Variants in MUC12 observed in about 807,000 individuals in gnomAD.
The protein encoded by MUC12 is mucin-12.
Under a neutral mutation model 230.8 loss-of-function variants are expected in MUC12, and 172 were observed. The ratio of observed to expected loss-of-function variants is 0.75; its 90% CI spans 0.66 to 0.85. MUC12 has a LOEUF of 0.85. Among genes scored for constraint, MUC12 ranks in the 40% least tolerant of loss-of-function variants. The pLI is 0.00. For synonymous variants in MUC12, 1,259 were observed against 2,401.9 expected, an observed-to-expected ratio of 0.52 and a Z score of 13.91; for missense variants, 3,506 against 5,920.6, an observed-to-expected ratio of 0.59 and a Z score of 13.38.
At position 100,991,605 on chromosome 7, in the gene MUC12, C is replaced by T. The variant is rs182230578; in HGVS notation, c.1042C>T (p.Arg348Cys). ...AACTGCAACAACACCCCCACCTGCC[C>T]GCTCCGCGACCTCAGGCCATGTTGA... ...VATATTPPPA[R>C]SATSGHVEES... The change falls in exon 2 of 12, where the codon CGC becomes TGC. Residue 348 changes from arginine (R) to cysteine (C), a missense_variant. By Grantham distance (180) the Arg-to-Cys change is radical (BLOSUM62 -3). Transcript: ENST00000536621. The T allele has an allele frequency of 3.6e-5, 56 of 1,536,740 alleles. No homozygotes were observed. Among genetic ancestry groups the T allele is most frequent in the African/African-American group, 6.8e-5 (5 of 73,038 alleles).
At position 100,991,015 on chromosome 7, in the gene MUC12, T is replaced by C. The variant is rs531833883; in HGVS notation, c.452T>C (p.Leu151Pro). The C allele has an allele frequency of 9.5e-5, 146 of 1,537,468 alleles. 2 individuals carry two copies. The South Asian group carries it at 1.6e-3, about 17-fold the overall frequency. Residue 151 changes from leucine to proline, a missense_variant, in exon 2 of 12, where the codon CTC (leucine) becomes CCC (proline). By Grantham distance (98) the Leu-to-Pro change is moderately conservative (BLOSUM62 -3). Coordinates refer to ENST00000536621, the MANE Select transcript of MUC12 (RefSeq NM_001164462.2). ...YSSPRSPDRT[L>P]SPARTTSSGV... is the part of the protein sequence containing the mutation. The stretch of plus-strand genomic sequence containing the variant: ...AGCCCCAGATCACCAGACAGAACAC[T>C]CTCACCTGCCCGCACGACAAGCTCA...
chr7:100,993,627 C>T lies in MUC12; in HGVS notation c.3064C>T (p.His1022Tyr). ...TAPVEESTTY[H>Y]RSPGSTPTTH... ...CCCTGTTGAAGAATCTACAACCTAC[C>T]ACCGCAGCCCAGGCTCGACTCCAAC... Residue 1022 changes from histidine (H) to tyrosine (Y), a missense_variant, in exon 2 of 12, where the codon CAC becomes TAC. Transcript: ENST00000536621. 9.7e-7 allele frequency: 1 copy of T among 1,030,854 alleles called. No homozygotes were observed. The highest frequency in any genetic ancestry group is 1.3e-6 in the Non-Finnish European group (1 of 752,690). 63.9% of individuals were successfully genotyped at this position (1,030,854 alleles called of 1,614,324 possible).
At chr7:100,975,332 G>A (rs371686989) in intron 1 of MUC12, among the ~76,000 whole-genome samples, 18 of 152,414 alleles carry the variant, frequency 1.2e-4, no homozygotes, top group East Asian at 5.8e-4. Context: ...AGGGGTCAGC[G>A]CTCTTTAGCT....
rs756340972 is a variant in MUC12 at position 100,995,695 on chromosome 7, A to G, written c.5132A>G (p.Glu1711Gly). 2.5e-5 allele frequency: 39 copies of G among 1,536,970 alleles called. No individual in the cohort carries two copies. The highest frequency in any genetic ancestry group is 3.2e-5 in the Non-Finnish European group (37 of 1,147,036). ...CCTACTACCACATCAGCCTTTGTTG[A>G]GCTATCTACAACCTCCCACGGCAGC... The part of the protein sequence containing the change: ...APPTTTSAFV[E>G]LSTTSHGSPS... The change falls in exon 2 of 12, where the codon GAG becomes GGG. Residue 1711 changes from glutamate (E) to glycine (G), a missense_variant. Transcript: ENST00000536621.
In MUC12 at chr7:101,004,538, C is replaced by A; in HGVS notation, c.13975C>A (p.His4659Asn). Residue 4659 changes from histidine (H) to asparagine (N), a missense_variant, in exon 2 of 12, where the codon CAC becomes AAC. Transcript: ENST00000536621. Reference sequence around the variant, plus strand: ...CCTTGTTGAAGAACCTACCAGCTACCACAGCAGCCCGGGCTCAATTGCAAC... The same window carrying A: ...CCTTGTTGAAGAACCTACCAGCTACAACAGCAGCCCGGGCTCAATTGCAAC... ...SALVEEPTSY[H>N]SSPGSIATTH... 1 of 1,535,954 alleles carries A rather than the reference C, an allele frequency of 6.5e-7. No individual in the cohort carries two copies. Among genetic ancestry groups the A allele is most frequent in the Non-Finnish European group, 8.7e-7 (1 of 1,146,508 alleles).
At chr7:100,986,579 T>A (rs1241463477) in intron 1 of MUC12, among the ~76,000 whole-genome samples, 3 of 152,234 alleles carry the variant, frequency 2.0e-5, no homozygotes, top group Non-Finnish European at 4.4e-5. Flanking sequence ...GTGCTCTGTC[T>A]ACCCCTGCAC....
At chr7:100,971,405 G>A (rs555737032) in intron 1 of MUC12, among the ~76,000 whole-genome samples, 1 of 152,156 alleles carries the variant, frequency 6.6e-6, no homozygotes, top group Non-Finnish European at 1.5e-5. Context: ...AGAAGGGGTG[G>A]TGAGGGGGCA....
intron 1 of MUC12, 95 bp downstream of exon 1, chr7:100,969,784 T>C (rs1584820221): frequency 7.0e-7 from 1 of 1,438,686 alleles, no homozygotes; most frequent in Non-Finnish European, 9.4e-7. Flanking sequence ...GGTGGCCTCC[T>C]CCCCTTTGCA....
chr7:100,988,453 C>T (rs371865272), intron 1 of MUC12, among the ~76,000 whole-genome samples: 1 of 152,122 alleles, frequency 6.6e-6, no homozygotes, highest in Non-Finnish European at 1.5e-5. Context: ...AACACCAGCA[C>T]CATCCTTCCT....
intron 2 of MUC12, 96 bp from the exon 3 acceptor site, chr7:101,006,375 C>T (rs1372856640): frequency 2.5e-6 from 2 of 799,210 alleles, no homozygotes; most frequent in Non-Finnish European, 4.2e-6. Flanking sequence ...GTCCTGCTCT[C>T]CAGTGCGATG....
At chr7:100,976,685 A>C (rs1793037406) in intron 1 of MUC12, among the ~76,000 whole-genome samples, 1 of 152,084 alleles carries the variant, frequency 6.6e-6, no homozygotes, top group Admixed American at 6.6e-5. Context: ...AACTTTTACA[A>C]CATTCCTAAG....
Position 100,991,702 on chromosome 7 carries a change from C to A in MUC12, c.1139C>A (p.Ser380Ter), listed in dbSNP as rs768042769. The A allele has an allele frequency of 6.5e-7, 1 of 1,537,946 alleles. No individual in the cohort carries two copies. Among genetic ancestry groups the A allele is most frequent in the Admixed American group, 2.0e-5 (1 of 51,010 alleles). ...CACTTCCCTGAAAGCTCCACAACTT[C>A]AGGCCATAGTGAAGAATCAGCAACT... ...TMHFPESSTTSGHSEESATFH... is the reference protein window; with the variant it reads ...TMHFPESSTT Residue 380 changes from serine to a stop codon, truncating the protein, a stop_gained, in exon 2 of 12, where the codon TCA becomes TAA. Transcript: ENST00000536621. LOFTEE classifies it high-confidence loss of function.
intron 1 of MUC12, among the ~76,000 whole-genome samples, chr7:100,978,280 C>T (rs1793061047): frequency 6.6e-6 from 1 of 152,154 alleles, no homozygotes; most frequent in African/African-American, 2.4e-5. Context: ...AGCTCTATCT[C>T]TACCTCTACA....
chr7:101,016,463 G>A (rs1415709215), intron 10 of MUC12, among the ~76,000 whole-genome samples: 6 of 152,062 alleles, frequency 3.9e-5, no homozygotes, highest in African/African-American at 9.7e-5. Context: ...ATGCCACCAC[G>A]CGTGGCTAAT....
rs1013692339 is a variant in MUC12, at chr7:100,970,854, G to A, written c.67+1165G>A. Among the ~76,000 whole-genome samples, 68 of 152,196 alleles carry A rather than the reference G, an allele frequency of 4.5e-4. 1 individual carries two copies. Among genetic ancestry groups the A allele is most frequent in the Non-Finnish European group, 3.1e-4 (21 of 68,004 alleles). On this transcript the variant is annotated intron_variant, in intron 1 of 11. Coordinates refer to ENST00000536621, the MANE Select transcript of MUC12 (RefSeq NM_001164462.2). ...CTACTAAAAATACAAAAAATTAGCC[G>A]GGCGAGGTGGCGGGCACCTGTAGTC...
intron 1 of MUC12, among the ~76,000 whole-genome samples, chr7:100,985,134 A>G (rs1010373190): frequency 2.0e-5 from 3 of 152,214 alleles, no homozygotes; most frequent in African/African-American, 7.2e-5. Flanking sequence ...TGCTGGGATT[A>G]CAAGCATGAG....
At position 100,992,079 on chromosome 7, in the gene MUC12, A is replaced by T; in HGVS notation, c.1516A>T (p.Thr506Ser). 1 of 1,537,196 alleles carries T rather than the reference A, an allele frequency of 6.5e-7. No homozygotes were observed. Among genetic ancestry groups the T allele is most frequent in the Non-Finnish European group, 8.7e-7 (1 of 1,146,588 alleles). The change falls in exon 2 of 12, where the codon ACA becomes TCA. Residue 506 changes from threonine (T) to serine (S), a missense_variant. Physicochemically the swap from Thr to Ser is moderately conservative, Grantham distance 58. Coordinates refer to ENST00000536621, the MANE Select transcript of MUC12 (RefSeq NM_001164462.2). Reference protein sequence around the residue: ...FYSSPRSPDTTHLPASMTSSG... With the variant: ...FYSSPRSPDTSHLPASMTSSG... ...CAGTAGCCCCAGATCACCAGACACAACACACTTACCTGCCAGCATGACAAG... is the reference window on the plus strand; with the variant it reads ...CAGTAGCCCCAGATCACCAGACACATCACACTTACCTGCCAGCATGACAAG...
chr7:101,017,284 C>T (rs1475157224), intron 10 of MUC12: 3 of 346,758 alleles, frequency 8.7e-6, no homozygotes, highest in Admixed American at 4.5e-5. Flanking sequence ...TGACCTCACC[C>T]CTGAGTCCAG....
chr7:100,969,819 G>A (rs921380308), intron 1 of MUC12, 130 bp downstream of exon 1: 8 of 1,358,820 alleles, frequency 5.9e-6, no homozygotes, highest in African/African-American at 2.9e-5. Context: ...CACAGGGCTG[G>A]AGACCCGTGC....
Sources: gnomAD v4.1 joint callset for allele counts (sites outside exome capture counted in the v4.1 genomes callset) on GRCh38, gnomAD v4.1.1 for gene constraint, MANE v1.5 for transcripts, NCBI Gene and HGNC (gene_info 2026-07-23, HGNC 2026-07-21) for gene names.